Variants in NECTIN3 observed in about 807,000 individuals in gnomAD.
NECTIN3 encodes the protein nectin cell adhesion molecule 3.
NECTIN3 carries 8 observed loss-of-function variants against 49.4 expected under a neutral mutation model. The observed-to-expected ratio is 0.16, with a 90% confidence interval of 0.10 to 0.29. The LOEUF is 0.29. Ranked by LOEUF, NECTIN3 falls within the 10% of genes least tolerant of loss-of-function variation. The pLI is 1.00. For missense variants in NECTIN3, 581 were observed against 654.6 expected (o/e 0.89, Z 1.23); for synonymous variants, 277 against 241.1 (o/e 1.15, Z -1.38).
intron 7 of NECTIN3, among the ~76,000 whole-genome samples, chr3:111,172,602 A>G (rs1405442263): frequency 2.0e-5 from 3 of 152,210 alleles, no homozygotes; most frequent in African/African-American, 7.2e-5. Context: ...AGAAAAGGAA[A>G]GTGGGTCCTA....
At chr3:111,146,037 G>C (rs2034865663) in intron 6 of NECTIN3, among the ~76,000 whole-genome samples, 1 of 152,108 alleles carries the variant, frequency 6.6e-6, no homozygotes, top group Non-Finnish European at 1.5e-5. Context: ...CTAGAAATTT[G>C]CTGTGATTTT....
downstream of NECTIN3, among the ~76,000 whole-genome samples, chr3:111,138,473 A>G (rs1455780507): frequency 1.3e-5 from 2 of 151,586 alleles, no homozygotes; most frequent in African/African-American, 4.8e-5. Flanking sequence ...TTTGTAAAGT[A>G]CATATATACT....
chr3:111,094,263 A>G (rs987384498), intron 1 of NECTIN3, among the ~76,000 whole-genome samples: 41 of 152,294 alleles, frequency 2.7e-4, no homozygotes, highest in East Asian at 9.6e-4. Flanking sequence ...TATATTTACT[A>G]TACTCTTATA....
chr3:111,132,042 T>G (rs1481333010), intron 5 of NECTIN3, among the ~76,000 whole-genome samples: 1 of 151,898 alleles, frequency 6.6e-6, no homozygotes, highest in Non-Finnish European at 1.5e-5. Context: ...TAATTTTTAG[T>G]CTATATTTTT....
intron 1 of NECTIN3, chr3:111,072,383 G>A: frequency 1.3e-6 from 2 of 1,498,598 alleles, no homozygotes; most frequent in Non-Finnish European, 8.8e-7. Flanking sequence ...CCGGCGGCCC[G>A]CTGCCCTCCC....
intron 5 of NECTIN3, chr3:111,144,839 T>C: frequency 6.8e-7 from 1 of 1,478,832 alleles, no homozygotes; most frequent in South Asian, 1.2e-5. Flanking sequence ...AGAAAAGGTA[T>C]GCAATTTCAA....
At chr3:111,091,418 A>G (rs971330246) in intron 1 of NECTIN3, among the ~76,000 whole-genome samples, 4 of 151,824 alleles carry the variant, frequency 2.6e-5, no homozygotes, top group Non-Finnish European at 5.9e-5. Context: ...TGCCCGGCTA[A>G]TTTTTTGTAT....
At chr3:111,080,939 T>C in intron 1 of NECTIN3, among the ~76,000 whole-genome samples, 1 of 152,204 alleles carries the variant, frequency 6.6e-6, no homozygotes, top group East Asian at 1.9e-4. Flanking sequence ...TTTTGAGCTA[T>C]GTCTTCAAGA....
chr3:111,134,070 A>G lies in NECTIN3; in HGVS notation c.1505A>G (p.Asn502Ser). ...KTQWNNVENL[N>S]RFERPMDYYE... ...CAGTGGAACAATGTAGAAAATCTCA[A>G]TAGGTTTGAAAGACCAATGGATTAT... The change falls in exon 6 of 6, where the codon AAT becomes AGT. Residue 502 changes from asparagine to serine, a missense_variant. Physicochemically the swap from Asn to Ser is conservative, Grantham distance 46. Transcript: ENST00000485303. 9 of 1,613,712 alleles carry G rather than the reference A, an allele frequency of 5.6e-6. No homozygotes were observed. Among genetic ancestry groups the G allele is most frequent in the South Asian group, 1.1e-5 (1 of 91,050 alleles).
chr3:111,080,527 C>G (rs1229773205), intron 1 of NECTIN3, among the ~76,000 whole-genome samples: 1 of 152,110 alleles, frequency 6.6e-6, no homozygotes, highest in African/African-American at 2.4e-5. Context: ...CTACAGTCAT[C>G]TAAAATAGTC....
At chr3:111,112,483 A>G in intron 2 of NECTIN3, 112 bp downstream of exon 2, 1 of 696,496 alleles carries the variant, frequency 1.4e-6, no homozygotes, top group Non-Finnish European at 2.3e-6. Flanking sequence ...TTAAAGTAAA[A>G]TAATTCAAAT....
chr3:111,080,085 CAA>C (rs954021654), intron 1 of NECTIN3, among the ~76,000 whole-genome samples: 29 of 151,936 alleles, frequency 1.9e-4, no homozygotes, highest in African/African-American at 7.0e-4. Flanking sequence ...AAAGGCATAT[CAA>C]GTTTATAATT....
At chr3:111,113,982 CTAAATAAA>C (rs545454977) in intron 2 of NECTIN3, among the ~76,000 whole-genome samples, 11 of 151,950 alleles carry the variant, frequency 7.2e-5, no homozygotes, top group East Asian at 3.9e-4. Context: ...GACTGTGTCT[CTAAATAAA>C]TAAATAAATA....
intron 1 of NECTIN3, among the ~76,000 whole-genome samples, chr3:111,090,478 T>C (rs2032197454): frequency 6.6e-6 from 1 of 152,040 alleles, no homozygotes; most frequent in Non-Finnish European, 1.5e-5. Context: ...TTAGTACATA[T>C]ATTATTACTT....
chr3:111,141,341 T>G (rs11929280), downstream of NECTIN3, among the ~76,000 whole-genome samples: 26,095 of 151,778 alleles, frequency 0.17, 4,980 homozygotes, highest in African/African-American at 0.47. Flanking sequence ...ATCACTAAAG[T>G]TTTGTCAAAG....
At chr3:111,076,649 T>G (rs553535606) in intron 1 of NECTIN3, among the ~76,000 whole-genome samples, 25 of 152,270 alleles carry the variant, frequency 1.6e-4, no homozygotes, top group Middle Eastern at 3.4e-3. Flanking sequence ...TAGAATAAAC[T>G]CTGATATAGT....
At chr3:111,084,461 A>G (rs1220284342) in intron 1 of NECTIN3, among the ~76,000 whole-genome samples, 1 of 152,198 alleles carries the variant, frequency 6.6e-6, no homozygotes, top group Non-Finnish European at 1.5e-5. Context: ...AGACTATTCT[A>G]GGTACTGTGA....
At chr3:111,191,296 T>C (rs1243454041), upstream of NECTIN3, among the ~76,000 whole-genome samples, 5 of 152,212 alleles carry the variant, frequency 3.3e-5, no homozygotes, top group Non-Finnish European at 7.3e-5. Context: ...ATATTAGTTT[T>C]GTTGAAGTAT....
At chr3:111,119,596 C>CTGGG (rs2033856529) in intron 3 of NECTIN3, among the ~76,000 whole-genome samples, 1 of 152,178 alleles carries the variant, frequency 6.6e-6, no homozygotes. Flanking sequence ...TCCCAAAGTG[C>CTGGG]TGGGATTACA....
Sources: allele counts gnomAD v4.1 joint callset (sites outside exome capture counted in the v4.1 genomes callset), GRCh38; gene constraint gnomAD v4.1.1; transcripts MANE v1.5; gene names NCBI Gene and HGNC (gene_info 2026-07-23, HGNC 2026-07-21).